Variants in BRINP2 observed in about 807,000 individuals in gnomAD.
BRINP2 encodes BMP/retinoic acid inducible neural specific 2, also known as BMP/retinoic acid-inducible neural-specific protein 2.
In BRINP2, 21 loss-of-function variants were observed where a neutral mutation model predicts 69.2. The ratio of observed to expected loss-of-function variants is 0.30; its 90% CI spans 0.22 to 0.44. BRINP2 has a LOEUF of 0.44. Among genes scored for constraint, BRINP2 ranks in the 20% least tolerant of loss-of-function variants. BRINP2 has a pLI of 1.00. For missense variants in BRINP2, 877 were observed against 986.0 expected, an observed-to-expected ratio of 0.89 and a Z score of 1.48; for synonymous variants, 380 against 394.1, an observed-to-expected ratio of 0.96 and a Z score of 0.42.
At position 177,229,974 on chromosome 1, in the gene BRINP2, C is replaced by G. The variant is rs1342842277; in HGVS notation, c.98C>G (p.Ala33Gly). Residue 33 changes from alanine (A) to glycine (G), a missense_variant, in exon 2 of 8, where the codon GCT becomes GGT. Physicochemically the swap from Ala to Gly is moderately conservative, Grantham distance 60 (BLOSUM62 0). This residue lies in a region of BRINP2 where 566 missense variants were observed against 625.2 expected (regional missense o/e 0.91). Coordinates refer to ENST00000361539, the MANE Select transcript of BRINP2 (RefSeq NM_021165.4). ...LALGLPGWVL[A>G]VSATAAAVVP... is the part of the protein sequence containing the mutation. The stretch of plus-strand genomic sequence containing the variant: ...CTGGGCCTGCCTGGCTGGGTGTTGG[C>G]TGTCTCAGCCACGGCGGCTGCTGTG... 6.2e-7 allele frequency: 1 copy of G among 1,613,526 alleles called. No homozygotes were observed. Among genetic ancestry groups the G allele is most frequent in the South Asian group, 1.1e-5 (1 of 91,032 alleles).
chr1:177,193,707 T>C (rs909469934), intron 1 of BRINP2, among the ~76,000 whole-genome samples: 1 of 152,208 alleles, frequency 6.6e-6, no homozygotes, highest in Admixed American at 6.5e-5. Context: ...AACCCTGCCT[T>C]GTCCCGCACA....
At chr1:177,254,330 T>C (rs1002599898) in intron 2 of BRINP2, among the ~76,000 whole-genome samples, 1 of 151,842 alleles carries the variant, frequency 6.6e-6, no homozygotes, top group Non-Finnish European at 1.5e-5. Context: ...CTAAGAGTCA[T>C]GTATTCTTCA....
In BRINP2 at chr1:177,281,739, CTG is replaced by C; in HGVS notation, c.*212_*213del. ...ACGCATACACACACACACACACACA[CTG>C]GCACAGGGAGGCTACAACTAAGCAG... is the stretch of plus-strand genomic sequence containing the variant. On this transcript the variant is annotated 3_prime_UTR_variant, in exon 8 of 8. Coordinates refer to ENST00000361539, the MANE Select transcript of BRINP2 (RefSeq NM_021165.4). The C allele has an allele frequency of 9.8e-6, 5 of 509,186 alleles. No homozygotes were observed. The highest frequency in any genetic ancestry group is 3.9e-5 in the South Asian group (1 of 25,688). 31.5% of individuals were successfully genotyped at this position (509,186 alleles called of 1,614,324 possible).
intron 4 of BRINP2, among the ~76,000 whole-genome samples, chr1:177,268,578 A>G (rs1264011762): frequency 6.6e-6 from 1 of 152,156 alleles, no homozygotes; most frequent in East Asian, 1.9e-4. Context: ...TGTATTCCTT[A>G]AGACCTCACT....
chr1:177,173,000 T>C lies in BRINP2; in HGVS notation c.-77+1268T>C, dbSNP rs34599247. On this transcript the variant is annotated intron_variant, in intron 1 of 7. Transcript: ENST00000361539. Reference sequence around the variant, plus strand: ...ACCATGCTCGCTAAAATACATGCAATGCCAGTATTAACCAAGCAACTAAAG... The same window carrying C: ...ACCATGCTCGCTAAAATACATGCAACGCCAGTATTAACCAAGCAACTAAAG... Among the ~76,000 whole-genome samples the C allele has an allele frequency of 2.6e-3, 391 of 152,320 alleles. 2 individuals are homozygous for C. The highest frequency in any genetic ancestry group is 4.2e-3 in the Non-Finnish European group (289 of 68,026).
intron 1 of BRINP2, among the ~76,000 whole-genome samples, chr1:177,213,473 A>G (rs1208831759): frequency 6.6e-6 from 1 of 152,150 alleles, no homozygotes; most frequent in African/African-American, 2.4e-5. Flanking sequence ...TCTTAAGTAA[A>G]TTTTCTATTA....
rs1464238167 is a variant in BRINP2, at chr1:177,281,695, C to T, written c.*167C>T. 3.6e-6 allele frequency: 3 copies of T among 842,312 alleles called. No homozygotes were observed. In the East Asian group the frequency reaches 7.7e-5, roughly 22 times the overall value. 52.2% of individuals were successfully genotyped at this position (842,312 alleles called of 1,614,324 possible). On this transcript the variant is annotated 3_prime_UTR_variant, in exon 8 of 8. Transcript: ENST00000361539. ...GCTGAAGCAGGCGAGAGAGAAACAG[C>T]TACTGCGTGCGTGCGCGCACGCATA...
At chr1:177,237,488 C>A (rs75998091) in intron 2 of BRINP2, among the ~76,000 whole-genome samples, 1 of 152,356 alleles carries the variant, frequency 6.6e-6, no homozygotes, top group African/African-American at 2.4e-5. Flanking sequence ...ATCCCCAGGA[C>A]ACAATGGCTC....
chr1:177,197,050 C>T (rs144024718), intron 1 of BRINP2, among the ~76,000 whole-genome samples: 134 of 152,090 alleles, frequency 8.8e-4, no homozygotes, highest in African/African-American at 3.2e-3. Flanking sequence ...GGTTGGGCCC[C>T]GTATTAGTCC....
chr1:177,206,225 AT>A (rs1649066946), intron 1 of BRINP2, among the ~76,000 whole-genome samples: 1 of 152,210 alleles, frequency 6.6e-6, no homozygotes, highest in South Asian at 2.1e-4. Context: ...CTTGGCAGGC[AT>A]TATGGCTACA....
intron 2 of BRINP2, among the ~76,000 whole-genome samples, chr1:177,244,740 T>A (rs868321362): frequency 6.6e-6 from 1 of 152,210 alleles, no homozygotes; most frequent in Non-Finnish European, 1.5e-5. Context: ...ATTAGGTGTT[T>A]CTTCTAGTGG....
chr1:177,203,438 C>T (rs1648979941), intron 1 of BRINP2, among the ~76,000 whole-genome samples: 1 of 151,898 alleles, frequency 6.6e-6, no homozygotes, highest in Non-Finnish European at 1.5e-5. Flanking sequence ...TATAACAAAG[C>T]TGCATGTTGT....
intron 1 of BRINP2, among the ~76,000 whole-genome samples, chr1:177,205,888 C>T (rs894932589): frequency 2.0e-5 from 3 of 152,154 alleles, no homozygotes; most frequent in Non-Finnish European, 2.9e-5. Flanking sequence ...GTATTCGCAC[C>T]CTTGCATAGG....
chr1:177,274,842 A>C (rs1009824608), intron 5 of BRINP2, among the ~76,000 whole-genome samples: 1 of 152,082 alleles, frequency 6.6e-6, no homozygotes. Flanking sequence ...AAGGAAGGAA[A>C]ATTTAGGGGC....
intron 1 of BRINP2, among the ~76,000 whole-genome samples, chr1:177,180,120 G>A (rs986531988): frequency 1.3e-5 from 2 of 152,050 alleles, no homozygotes; most frequent in African/African-American, 4.8e-5. Flanking sequence ...ATTGTACTAG[G>A]TTCATTTTTA....
At chr1:177,175,290 T>TG (rs143330175) in intron 1 of BRINP2, among the ~76,000 whole-genome samples, 23,216 of 149,216 alleles carry the variant, frequency 0.16, 3,586 homozygotes, top group African/African-American at 0.4. Context: ...AAAAGCGGGG[T>TG]GGGGGGGGCA....
At chr1:177,195,402 A>T (rs1648711918) in intron 1 of BRINP2, among the ~76,000 whole-genome samples, 1 of 150,962 alleles carries the variant, frequency 6.6e-6, no homozygotes, top group Admixed American at 6.6e-5. Flanking sequence ...GCCTAATCTT[A>T]CGCTCACATA....
intron 3 of BRINP2, chr1:177,256,411 CCT>C (rs1429322929): frequency 3.0e-6 from 3 of 985,254 alleles, no homozygotes; most frequent in Non-Finnish European, 3.6e-6. Flanking sequence ...TCACCCAACC[CCT>C]GAGGCTTCGC....
intron 4 of BRINP2, among the ~76,000 whole-genome samples, chr1:177,270,089 G>GT (rs1553275370): frequency 2.2e-5 from 3 of 136,054 alleles, no homozygotes; most frequent in Non-Finnish European, 3.2e-5. Context: ...GGGTGGGGGG[G>GT]GTGGTTCTCA....
Sources: gnomAD v4.1 joint callset for allele counts (sites outside exome capture counted in the v4.1 genomes callset) on GRCh38, gnomAD v4.1.1 for gene constraint, gnomAD v4.1.1 regional missense constraint, MANE v1.5 for transcripts, NCBI Gene and HGNC (gene_info 2026-07-23, HGNC 2026-07-21) for gene names.